ARHGEF38: variants seen among roughly 807,000 people sequenced by gnomAD.
ARHGEF38 encodes Rho guanine nucleotide exchange factor (GEF) 38.
A neutral mutation model predicts 79.9 loss-of-function variants in ARHGEF38; 79 were observed. The ratio of observed to expected loss-of-function variants is 0.99; its 90% CI spans 0.82 to 1.19. The LOEUF is 1.19. ARHGEF38 is among the 50% of genes most tolerant of loss of function. ARHGEF38 has a pLI of 0.00. For missense variants in ARHGEF38, 962 were observed against 907.2 expected (o/e 1.06, Z -0.78); for synonymous variants, 366 against 328.3 (o/e 1.11, Z -1.24).
intron 1 of ARHGEF38, among the ~76,000 whole-genome samples, chr4:105,574,112 G>T (rs1460207532): frequency 6.6e-6 from 1 of 152,038 alleles, no homozygotes; most frequent in Admixed American, 6.6e-5. Context: ...CAGTTTTTGG[G>T]GTGAACATTT....
rs1386354853 is a variant in ARHGEF38, at chr4:105,667,486, A to G, written c.1931A>G (p.Asn644Ser). The change falls in exon 13 of 14, where the codon AAT (asparagine) becomes AGT (serine). Residue 644 changes from asparagine (N) to serine (S), a missense_variant. By Grantham distance (46) the Asn-to-Ser change is conservative. Transcript: ENST00000420470. ...TATTCCTCCTTCCTAAAACCCTACA[A>G]TCCAGCAAAAATGCAGAAAGTGGAT... is the stretch of plus-strand genomic sequence containing the variant. ...YVYSSFLKPYNPAKMQKVDAE... is the reference protein window; with the variant it reads ...YVYSSFLKPYSPAKMQKVDAE... The G allele has an allele frequency of 2.6e-6, 4 of 1,536,172 alleles. No homozygotes were observed. The highest frequency in any genetic ancestry group is 1.4e-5 in the African/African-American group (1 of 73,036).
At chr4:105,581,093 A>T (rs567255574) in intron 1 of ARHGEF38, among the ~76,000 whole-genome samples, 1 of 152,250 alleles carries the variant, frequency 6.6e-6, no homozygotes, top group East Asian at 1.9e-4. Flanking sequence ...CACCTGCAGG[A>T]GTAGTTGGAG....
intron 1 of ARHGEF38, among the ~76,000 whole-genome samples, chr4:105,577,473 A>G (rs1195367562): frequency 6.6e-6 from 1 of 151,626 alleles, no homozygotes; most frequent in East Asian, 1.9e-4. Context: ...ATCTTTTGTA[A>G]TGGTTTCAGT....
intron 1 of ARHGEF38, among the ~76,000 whole-genome samples, chr4:105,576,816 A>G (rs950465498): frequency 4.6e-5 from 7 of 152,002 alleles, no homozygotes; most frequent in African/African-American, 1.7e-4. Flanking sequence ...GAAGGTTTTT[A>G]TCATAAAGGG....
chr4:105,623,074 C>T (rs1728803651), intron 3 of ARHGEF38, among the ~76,000 whole-genome samples: 1 of 152,144 alleles, frequency 6.6e-6, no homozygotes, highest in African/African-American at 2.4e-5. Context: ...AACAAGACTC[C>T]CATGGCAGGA....
At chr4:105,646,496 C>T (rs552599273) in intron 6 of ARHGEF38, among the ~76,000 whole-genome samples, 66 of 152,232 alleles carry the variant, frequency 4.3e-4, no homozygotes, top group African/African-American at 1.1e-3. Context: ...GTAATGAATA[C>T]GCTAAATGTT....
At chr4:105,604,546 A>G (rs10032269) in intron 2 of ARHGEF38, among the ~76,000 whole-genome samples, 20,493 of 151,776 alleles carry the variant, frequency 0.14, 1,535 homozygotes, top group Middle Eastern at 0.2. Flanking sequence ...TCTAGTTTTT[A>G]TTGTATTATT....
chr4:105,676,519 A>G (rs1359816139), intron 13 of ARHGEF38, among the ~76,000 whole-genome samples: 2 of 152,196 alleles, frequency 1.3e-5, no homozygotes, highest in African/African-American at 4.8e-5. Context: ...AATGGGAATA[A>G]ATATTGCTTA....
At chr4:105,561,035 G>A (rs1029368471) in intron 1 of ARHGEF38, among the ~76,000 whole-genome samples, 3 of 152,090 alleles carry the variant, frequency 2.0e-5, no homozygotes, top group African/African-American at 7.2e-5. Context: ...GGAGCTTAGG[G>A]TCAAATTTGT....
chr4:105,659,886 T>TGTGTGTGTGTGC (rs35842406), intron 10 of ARHGEF38, among the ~76,000 whole-genome samples: 1,984 of 150,598 alleles, frequency 0.013, 45 homozygotes, highest in African/African-American at 0.046. Flanking sequence ...TGTGTGTGTG[T>TGTGTGTGTGTGC]GTAGCTTCGC....
At chr4:105,663,747 A>G (rs1578360281) in intron 10 of ARHGEF38, among the ~76,000 whole-genome samples, 1 of 152,216 alleles carries the variant, frequency 6.6e-6, no homozygotes, top group Admixed American at 6.5e-5. Context: ...AGGCAGGCGG[A>G]TCACTTGAGG....
At chr4:105,641,578 A>T (rs548681913) in intron 5 of ARHGEF38, among the ~76,000 whole-genome samples, 1 of 152,286 alleles carries the variant, frequency 6.6e-6, no homozygotes. Flanking sequence ...TGGCTACTGT[A>T]AAATAAATAT....
chr4:105,621,148 C>T lies in ARHGEF38; in HGVS notation c.508+7641C>T, dbSNP rs552032225. Among the ~76,000 whole-genome samples the T allele has an allele frequency of 6.3e-4, 96 of 152,274 alleles. 1 individual carries two copies. Among genetic ancestry groups the T allele is most frequent in the African/African-American group, 2.2e-3 (92 of 41,552 alleles). ...TCGGACATTAAAACCCAGATAAGTC[C>T]TTGGATGACTCAGCCTGAGTGGATG... On this transcript the variant is annotated intron_variant, in intron 3 of 13. Coordinates refer to ENST00000420470, the MANE Select transcript of ARHGEF38 (RefSeq NM_001242729.2).
intron 12 of ARHGEF38, 29 bp from the exon 13 acceptor site, chr4:105,667,415 G>A: frequency 1.3e-6 from 2 of 1,534,498 alleles, no homozygotes; most frequent in Non-Finnish European, 1.7e-6. Flanking sequence ...CATGAACTTG[G>A]TTCTTCTTTC....
At chr4:105,674,953 TA>T (rs1247281824) in intron 13 of ARHGEF38, among the ~76,000 whole-genome samples, 1 of 152,142 alleles carries the variant, frequency 6.6e-6, no homozygotes, top group East Asian at 1.9e-4. Flanking sequence ...CTATTATTTA[TA>T]AAAATTATAA....
chr4:105,563,752 A>G, intron 1 of ARHGEF38, among the ~76,000 whole-genome samples: 1 of 152,238 alleles, frequency 6.6e-6, no homozygotes, highest in South Asian at 2.1e-4. Context: ...ACTCACAAGC[A>G]TCAAGAGAAC....
chr4:105,592,053 A>C (rs1394701211), intron 2 of ARHGEF38, among the ~76,000 whole-genome samples: 1 of 152,050 alleles, frequency 6.6e-6, no homozygotes, highest in Non-Finnish European at 1.5e-5. Context: ...ATAGCATCAG[A>C]CTCTGTCACT....
chr4:105,649,769 C>A (rs746119620), intron 7 of ARHGEF38, among the ~76,000 whole-genome samples: 11 of 152,248 alleles, frequency 7.2e-5, no homozygotes, highest in Admixed American at 1.3e-4. Flanking sequence ...AAAAGCAGCC[C>A]CTTCTTCCTC....
intron 2 of ARHGEF38, among the ~76,000 whole-genome samples, chr4:105,612,369 G>T (rs766315073): frequency 6.6e-6 from 1 of 151,880 alleles, no homozygotes; most frequent in African/African-American, 2.4e-5. Flanking sequence ...TAACTTTGCT[G>T]AGCTGGTTTT....
Sources: allele counts gnomAD v4.1 joint callset (sites outside exome capture counted in the v4.1 genomes callset), GRCh38; gene constraint gnomAD v4.1.1; transcripts MANE v1.5; gene names NCBI Gene and HGNC (gene_info 2026-07-23, HGNC 2026-07-21).